SPACA7: variants seen among roughly 807,000 people sequenced by gnomAD.
SPACA7 encodes sperm acrosome-associated protein 7.
Under a neutral mutation model 26.3 loss-of-function variants are expected in SPACA7, and 19 were observed. The ratio of observed to expected loss-of-function variants is 0.72; its 90% CI spans 0.50 to 1.06. The LOEUF (loss-of-function observed/expected upper bound fraction) is 1.06, where lower values mean the gene tolerates loss of function less well. Ranked by LOEUF, SPACA7 falls within the 50% of genes least tolerant of loss-of-function variation. The pLI is 0.00. For synonymous variants in SPACA7, 84 were observed against 84.5 expected (o/e 0.99, Z 0.04); for missense variants, 211 against 229.9 (o/e 0.92, Z 0.53).
rs114718670 is a variant in SPACA7, at chr13:112,421,971, T to A, written c.446-10473T>A. ...CTGGGGCCTACTTGAGAGTGGAGAA[T>A]GGGAGGAGGGAGAGGATGAGGAAAA... On this transcript the variant is annotated intron_variant, in intron 5 of 6. Transcript: ENST00000283550. 8.1e-3 allele frequency among the ~76,000 whole-genome samples: 1,230 copies of A among 151,984 alleles called. 17 individuals are homozygous for A. Among genetic ancestry groups the A allele is most frequent in the African/African-American group, 0.028 (1,160 of 41,470 alleles).
intron 5 of SPACA7, among the ~76,000 whole-genome samples, chr13:112,401,398 G>A (rs961668510): frequency 5.3e-5 from 8 of 152,106 alleles, no homozygotes; most frequent in Admixed American, 3.9e-4. Flanking sequence ...TTTTGTAAAT[G>A]TTGCATTCAT....
At chr13:112,380,344 G>T (rs1883966428) in intron 1 of SPACA7, among the ~76,000 whole-genome samples, 1 of 142,764 alleles carries the variant, frequency 7.0e-6, no homozygotes, top group East Asian at 2.0e-4. Context: ...AGTGGAGGTT[G>T]CAGTGAGCCA....
chr13:112,434,541 A>G lies in SPACA7; in HGVS notation c.580A>G (p.Ser194Gly). The G allele has an allele frequency of 6.2e-7, 1 of 1,607,818 alleles. No homozygotes were observed. Among genetic ancestry groups the G allele is most frequent in the Non-Finnish European group, 8.5e-7 (1 of 1,177,622 alleles). ...RTSAQRRSQG[S>G]Q The stretch of plus-strand genomic sequence containing the variant: ...CAGCGCACAGAGGAGGAGCCAAGGC[A>G]GTCAGTGAGGCCGCAGCCCCAGACC... Residue 194 changes from serine (S) to glycine (G), a missense_variant, in exon 7 of 7, where the codon AGT becomes GGT. By Grantham distance (56) the Ser-to-Gly change is moderately conservative. Coordinates refer to ENST00000283550, the MANE Select transcript of SPACA7 (RefSeq NM_145248.5).
intron 5 of SPACA7, among the ~76,000 whole-genome samples, chr13:112,431,640 T>C (rs936079721): frequency 6.6e-6 from 1 of 152,252 alleles, no homozygotes. Context: ...TCATTATTCA[T>C]GCGTTCACAA....
chr13:112,416,292 G>T (rs1886690355), intron 5 of SPACA7, among the ~76,000 whole-genome samples: 3 of 149,764 alleles, frequency 2.0e-5, no homozygotes, highest in Admixed American at 1.3e-4. Flanking sequence ...GTTGTTGTTT[G>T]TTGTTGTTGT....
chr13:112,389,922 G>C (rs904309354), intron 1 of SPACA7, among the ~76,000 whole-genome samples: 2 of 152,184 alleles, frequency 1.3e-5, no homozygotes, highest in Non-Finnish European at 2.9e-5. Flanking sequence ...CTTTTCCCCT[G>C]ATATTATTTA....
At chr13:112,381,025 C>A (rs1884024507) in intron 1 of SPACA7, among the ~76,000 whole-genome samples, 1 of 151,902 alleles carries the variant, frequency 6.6e-6, no homozygotes, top group Admixed American at 6.6e-5. Flanking sequence ...TTAACAGACT[C>A]AAATACATTT....
Position 112,410,370 on chromosome 13 carries a change from A to T in SPACA7, c.445+9206A>T, listed in dbSNP as rs1379527361. On this transcript the variant is annotated intron_variant, in intron 5 of 6. Transcript: ENST00000283550. ...CCCTAGAACTTAAAGTACAATTAAA[A>T]AAATATATATATATATTCCTTGTTG... Among the ~76,000 whole-genome samples, 5 of 147,874 alleles carry T rather than the reference A, an allele frequency of 3.4e-5. No homozygotes were observed. In the East Asian group the frequency reaches 7.7e-4, roughly 23 times the overall value.
intron 5 of SPACA7, among the ~76,000 whole-genome samples, chr13:112,401,612 A>G (rs1885647359): frequency 6.6e-6 from 1 of 152,214 alleles, no homozygotes; most frequent in Non-Finnish European, 1.5e-5. Flanking sequence ...TGTGTAGCCA[A>G]AATTATCAAT....
intron 1 of SPACA7, among the ~76,000 whole-genome samples, chr13:112,377,348 A>C (rs1883760285): frequency 6.6e-6 from 1 of 152,190 alleles, no homozygotes; most frequent in Non-Finnish European, 1.5e-5. Flanking sequence ...ATCTTTGAAG[A>C]CCTTTTAAAA....
intron 5 of SPACA7, among the ~76,000 whole-genome samples, chr13:112,408,965 T>C (rs957008292): frequency 1.3e-5 from 2 of 152,096 alleles, no homozygotes; most frequent in Non-Finnish European, 2.9e-5. Flanking sequence ...CTTCAAACTA[T>C]ACTACAAGGC....
At chr13:112,432,992 C>T (rs569085957) in intron 6 of SPACA7, among the ~76,000 whole-genome samples, 90 of 152,210 alleles carry the variant, frequency 5.9e-4, no homozygotes, top group Non-Finnish European at 9.3e-4. Flanking sequence ...CCACTGTCCG[C>T]CTGCTAAGAG....
rs531588000 is a variant in SPACA7 at position 112,380,986 on chromosome 13, AT to A, written c.94+4512del. Among the ~76,000 whole-genome samples, 612 of 152,314 alleles carry A rather than the reference AT, an allele frequency of 4.0e-3. 2 individuals are homozygous for A. Among genetic ancestry groups the A allele is most frequent in the African/African-American group, 0.014 (581 of 41,564 alleles). On this transcript the variant is annotated intron_variant, in intron 1 of 6. Transcript: ENST00000283550. Reference sequence around the variant, plus strand: ...TAGAGATATATTTATCTACAGCATAATTTTTCAAGGTGGCAAAAACAACTTT... The same window carrying A: ...TAGAGATATATTTATCTACAGCATAATTTTCAAGGTGGCAAAAACAACTTT...
intron 2 of SPACA7, among the ~76,000 whole-genome samples, chr13:112,394,992 G>A (rs1030032857): frequency 9.9e-5 from 15 of 152,228 alleles, no homozygotes; most frequent in Admixed American, 9.8e-4. Context: ...TCAAATCCCT[G>A]TGGAGGTCAG....
At chr13:112,417,939 G>T (rs886371174) in intron 5 of SPACA7, among the ~76,000 whole-genome samples, 1 of 151,890 alleles carries the variant, frequency 6.6e-6, no homozygotes, top group South Asian at 2.1e-4. Flanking sequence ...TTATAGTTAG[G>T]TTATGCCTGA....
intron 2 of SPACA7, among the ~76,000 whole-genome samples, chr13:112,395,633 G>A (rs2138930948): frequency 6.6e-6 from 1 of 152,246 alleles, no homozygotes; most frequent in South Asian, 2.1e-4. Flanking sequence ...ACCTCACCCA[G>A]CTAATTTTTG....
At chr13:112,383,303 C>G (rs1448197556) in intron 1 of SPACA7, among the ~76,000 whole-genome samples, 2 of 151,590 alleles carry the variant, frequency 1.3e-5, no homozygotes, top group African/African-American at 4.8e-5. Context: ...TCTAAACTGC[C>G]CAAAAAAACC....
At chr13:112,431,392 CCTGACATA>C (rs1877124968) in intron 5 of SPACA7, among the ~76,000 whole-genome samples, 1 of 152,188 alleles carries the variant, frequency 6.6e-6, no homozygotes, top group Admixed American at 6.5e-5. Context: ...TAATATCATT[CCTGACATA>C]CTGACTGTGC....
intron 1 of SPACA7, among the ~76,000 whole-genome samples, chr13:112,380,606 C>T (rs1883993931): frequency 6.6e-6 from 1 of 152,060 alleles, no homozygotes; most frequent in Non-Finnish European, 1.5e-5. Flanking sequence ...TTCTCAGAGA[C>T]TCGTTACATC....
Sources: allele counts gnomAD v4.1 joint callset (sites outside exome capture counted in the v4.1 genomes callset), GRCh38; gene constraint gnomAD v4.1.1; transcripts MANE v1.5; gene names NCBI Gene and HGNC (gene_info 2026-07-23, HGNC 2026-07-21).